Variants in ZNF609 observed in about 807,000 individuals in gnomAD.
ZNF609 encodes the protein zinc finger protein 609.
A neutral mutation model predicts 109.5 loss-of-function variants in ZNF609; 11 were observed. The observed-to-expected ratio is 0.10, with a 90% confidence interval of 0.06 to 0.17. The LOEUF is 0.17. Among genes scored for constraint, ZNF609 ranks in the 10% least tolerant of loss-of-function variants. The pLI is 1.00. For missense variants in ZNF609, 1,559 were observed against 1,772.4 expected (o/e 0.88, Z 2.16); for synonymous variants, 646 against 662.0 (o/e 0.98, Z 0.37).
At chr15:64,551,244 T>C (rs1201344398) in intron 2 of ZNF609, among the ~76,000 whole-genome samples, 2 of 152,180 alleles carry the variant, frequency 1.3e-5, no homozygotes, top group Non-Finnish European at 2.9e-5. Flanking sequence ...ATTTTTGTTA[T>C]GGTATAAGGT....
Position 64,490,773 on chromosome 15 carries a change from T to C in ZNF609, c.-127-8520T>C, listed in dbSNP as rs148255194. Among the ~76,000 whole-genome samples the C allele has an allele frequency of 9.5e-4, 144 of 152,288 alleles. 1 individual carries two copies. In the East Asian group the frequency reaches 0.025, roughly 27 times the overall value. ...TGAGATACATGCTGGCACAGAGCAG[T>C]AGTGACAAACAACAAGGATCTGAAC... On this transcript the variant is annotated intron_variant, in intron 1 of 9. Coordinates refer to ENST00000326648, the MANE Select transcript of ZNF609 (RefSeq NM_015042.2).
intron 2 of ZNF609, among the ~76,000 whole-genome samples, chr15:64,574,353 C>G (rs1302405029): frequency 1.3e-5 from 2 of 152,058 alleles, no homozygotes; most frequent in African/African-American, 4.8e-5. Flanking sequence ...CCACCATGCC[C>G]TAGGCCTAGT....
At chr15:64,579,761 T>C (rs1370058048) in intron 2 of ZNF609, among the ~76,000 whole-genome samples, 2 of 152,206 alleles carry the variant, frequency 1.3e-5, no homozygotes, top group African/African-American at 4.8e-5. Flanking sequence ...CTTTGTCCTT[T>C]GTGCTATTAT....
chr15:64,513,691 C>T (rs1481718508), intron 2 of ZNF609, among the ~76,000 whole-genome samples: 1 of 152,134 alleles, frequency 6.6e-6, no homozygotes, highest in Admixed American at 6.5e-5. Context: ...TGTGTGAGAG[C>T]TAGACTATAT....
intron 2 of ZNF609, among the ~76,000 whole-genome samples, chr15:64,595,664 T>G (rs1368423018): frequency 6.6e-6 from 1 of 152,158 alleles, no homozygotes; most frequent in African/African-American, 2.4e-5. Flanking sequence ...TGTCTTGAAG[T>G]TTGGAGAAGT....
At chr15:64,648,540 A>G (rs1048007146) in intron 3 of ZNF609, among the ~76,000 whole-genome samples, 2 of 152,062 alleles carry the variant, frequency 1.3e-5, no homozygotes, top group African/African-American at 2.4e-5. Flanking sequence ...ATTGATTGGG[A>G]TTCAGATCCT....
chr15:64,617,159 C>T (rs779024528), intron 2 of ZNF609, among the ~76,000 whole-genome samples: 8 of 151,760 alleles, frequency 5.3e-5, no homozygotes, highest in Non-Finnish European at 8.8e-5. Flanking sequence ...GGATGGGCAA[C>T]GTAGGGAGAC....
At chr15:64,659,148 T>G (rs934207513) in intron 3 of ZNF609, among the ~76,000 whole-genome samples, 20 of 152,136 alleles carry the variant, frequency 1.3e-4, no homozygotes, top group African/African-American at 4.6e-4. Context: ...TGAACTGAGA[T>G]CCTCATTACC....
chr15:64,555,886 C>CAAAAA (rs963732035), intron 2 of ZNF609, among the ~76,000 whole-genome samples: 3 of 38,930 alleles, frequency 7.7e-5, no homozygotes, highest in Non-Finnish European at 1.0e-4. Flanking sequence ...GACTCTGTCT[C>CAAAAA]AAAAAAAAAA....
chr15:64,650,113 CAAAA>C (rs546871709), intron 3 of ZNF609, among the ~76,000 whole-genome samples: 2 of 85,394 alleles, frequency 2.3e-5, no homozygotes, highest in East Asian at 3.7e-4. Context: ...GAACCCATCT[CAAAA>C]AAAAAAAAAA....
chr15:64,576,922 ATG>A (rs1415096038), intron 2 of ZNF609, among the ~76,000 whole-genome samples: 1 of 131,974 alleles, frequency 7.6e-6, no homozygotes, highest in East Asian at 2.0e-4. Flanking sequence ...ATATACATAT[ATG>A]TGTATATATA....
chr15:64,614,126 G>A (rs904275080), intron 2 of ZNF609, among the ~76,000 whole-genome samples: 7 of 151,086 alleles, frequency 4.6e-5, no homozygotes, highest in Non-Finnish European at 7.4e-5. Context: ...TCACCATGTT[G>A]GCCGGGCTAC....
chr15:64,659,652 C>G (rs1454626558), intron 3 of ZNF609, among the ~76,000 whole-genome samples: 1 of 152,014 alleles, frequency 6.6e-6, no homozygotes, highest in African/African-American at 2.4e-5. Context: ...ATCTCAGGAA[C>G]CTTCAAAGGG....
chr15:64,527,026 A>G (rs1893976301), intron 2 of ZNF609, among the ~76,000 whole-genome samples: 1 of 152,048 alleles, frequency 6.6e-6, no homozygotes, highest in African/African-American at 2.4e-5. Context: ...TCAGAACAAG[A>G]TAATTCTTGA....
At position 64,676,210 on chromosome 15, in the gene ZNF609, A is replaced by C; in HGVS notation, c.3356A>C (p.Glu1119Ala). The C allele has an allele frequency of 6.2e-7, 1 of 1,613,726 alleles. No individual in the cohort carries two copies. Among genetic ancestry groups the C allele is most frequent in the South Asian group, 1.1e-5 (1 of 91,038 alleles). Residue 1119 changes from glutamate (E) to alanine (A), a missense_variant, in exon 5 of 10, where the codon GAG becomes GCG. Glu to Ala is a moderately radical substitution (Grantham distance 107). Around this residue, in one of 4 missense-constraint regions of ZNF609, gnomAD observed 1,204 missense variants for 1,314.1 expected, o/e 0.92. Transcript: ENST00000326648. The part of the protein sequence containing the change: ...KEASEAKTGA[E>A]CGRQAEMDPI... ...GCCTCTGAGGCCAAGACAGGTGCTG[A>C]GTGTGGTCGACAGGCAGAGATGGAT...
At chr15:64,506,944 T>C (rs1240909618) in intron 2 of ZNF609, among the ~76,000 whole-genome samples, 1 of 152,206 alleles carries the variant, frequency 6.6e-6, no homozygotes, top group African/African-American at 2.4e-5. Flanking sequence ...GCTAAGACTT[T>C]TTAGCACTAT....
At chr15:64,653,480 A>G (rs919081439) in intron 3 of ZNF609, among the ~76,000 whole-genome samples, 1 of 152,134 alleles carries the variant, frequency 6.6e-6, no homozygotes, top group African/African-American at 2.4e-5. Context: ...CCCCATCTCT[A>G]CTAAAAATAC....
At chr15:64,652,406 A>C (rs1235738358) in intron 3 of ZNF609, among the ~76,000 whole-genome samples, 1 of 105,560 alleles carries the variant, frequency 9.5e-6, no homozygotes, top group East Asian at 2.8e-4. Flanking sequence ...TTTTTTTTTG[A>C]GACAGGGTCT....
At position 64,628,385 on chromosome 15, in the gene ZNF609, G is replaced by A. The variant is rs562708338; in HGVS notation, c.973+5333G>A. 8.6e-5 allele frequency among the ~76,000 whole-genome samples: 13 copies of A among 152,018 alleles called. No homozygotes were observed. In the East Asian group the frequency reaches 2.0e-3, roughly 23 times the overall value. On this transcript the variant is annotated intron_variant, in intron 3 of 9. Transcript: ENST00000326648. ...TAAAAACGAACAAGTGGACGGGCAC[G>A]GTGGCTCACACCTGTAATCCCAACA...
Sources: gnomAD v4.1 joint callset for allele counts (sites outside exome capture counted in the v4.1 genomes callset) on GRCh38, gnomAD v4.1.1 for gene constraint, gnomAD v4.1.1 regional missense constraint, MANE v1.5 for transcripts, NCBI Gene and HGNC (gene_info 2026-07-23, HGNC 2026-07-21) for gene names.